Variants in FAM118A observed in about 807,000 individuals in gnomAD.
FAM118A encodes SIR2 antiphage like 2.
FAM118A carries 25 observed loss-of-function variants against 38.2 expected under a neutral mutation model. That is an observed-to-expected ratio of 0.65 (90% CI 0.48 to 0.91). The LOEUF (loss-of-function observed/expected upper bound fraction) is 0.91. FAM118A is among the 40% of genes least tolerant of loss of function. The pLI, the probability that FAM118A is intolerant of heterozygous loss-of-function variation, is 0.00. For missense variants in FAM118A, 425 were observed against 463.3 expected, an observed-to-expected ratio of 0.92 and a Z score of 0.76; for synonymous variants, 178 against 184.1, an observed-to-expected ratio of 0.97 and a Z score of 0.27.
intron 8 of FAM118A, 43 bp downstream of exon 8, chr22:45,336,454 T>G (rs1415705263): frequency 6.6e-7 from 1 of 1,509,304 alleles, no homozygotes; most frequent in Non-Finnish European, 9.2e-7. Flanking sequence ...CTCGGGTCTC[T>G]CTTGTTGGCA....
intron 4 of FAM118A, chr22:45,328,312 A>C: frequency 1.7e-5 from 2 of 118,356 alleles, no homozygotes; most frequent in Non-Finnish European, 4.2e-5. Context: ...AGACCAAGGT[A>C]TGGGCTGGGG....
At chr22:45,335,091 A>G in intron 6 of FAM118A, 1 of 495,158 alleles carries the variant, frequency 2.0e-6, no homozygotes, top group Non-Finnish European at 3.6e-6. Flanking sequence ...GAGGCCCATG[A>G]CAGTGACAGT....
intron 3 of FAM118A, 63 bp downstream of exon 3, chr22:45,323,490 T>G (rs906916336): frequency 3.9e-5 from 61 of 1,573,976 alleles, no homozygotes; most frequent in South Asian, 3.0e-4. Flanking sequence ...GATGAGTCTG[T>G]GAACCTAATG....
chr22:45,330,910 C>A (rs1250584857), intron 5 of FAM118A, among the ~76,000 whole-genome samples, 179 bp downstream of exon 5: 1 of 152,142 alleles, frequency 6.6e-6, no homozygotes, highest in African/African-American at 2.4e-5. Flanking sequence ...TCTCTGGGGT[C>A]CCGCATGGTG....
chr22:45,323,291 G>A lies in FAM118A; in HGVS notation c.164G>A (p.Cys55Tyr). 1 of 1,614,202 alleles carries A rather than the reference G, an allele frequency of 6.2e-7. No individual in the cohort carries two copies. Among genetic ancestry groups the A allele is most frequent in the Non-Finnish European group, 8.5e-7 (1 of 1,180,010 alleles). The change falls in exon 3 of 9, where the codon TGC becomes TAC. Residue 55 changes from cysteine to tyrosine, a missense_variant. Physicochemically the swap from Cys to Tyr is radical, Grantham distance 194. Transcript: ENST00000441876. ...CCTGCCCTTTGCTCGTGGAGAAGCT[G>A]CATCGAGGCCGTCATCGAGGCTGCA... is the stretch of plus-strand genomic sequence containing the variant. ...GIPALCSWRS[C>Y]IEAVIEAAEQ...
intron 8 of FAM118A, among the ~76,000 whole-genome samples, chr22:45,339,651 T>G (rs2086343699): frequency 6.6e-6 from 1 of 152,186 alleles, no homozygotes; most frequent in Non-Finnish European, 1.5e-5. Flanking sequence ...GTTCATTGTT[T>G]TGTTTTCTGC....
At chr22:45,313,080 G>C (rs192418844) in intron 1 of FAM118A, among the ~76,000 whole-genome samples, 7 of 152,206 alleles carry the variant, frequency 4.6e-5, no homozygotes, top group African/African-American at 1.4e-4. Context: ...GCCTATCTGC[G>C]TCAATCAGCT....
At chr22:45,323,936 G>T (rs4823461) in intron 3 of FAM118A, among the ~76,000 whole-genome samples, 65,225 of 152,168 alleles carry the variant, frequency 0.43, 17,371 homozygotes, top group Non-Finnish European at 0.6. Context: ...GGGCCGATGG[G>T]TCTGGTGCAG....
chr22:45,320,032 G>A (rs1024187520), intron 1 of FAM118A, among the ~76,000 whole-genome samples: 9 of 152,182 alleles, frequency 5.9e-5, no homozygotes, highest in Admixed American at 2.0e-4. Flanking sequence ...AAAGGATAAC[G>A]GGGATCCCAT....
chr22:45,316,907 C>T (rs760058769), intron 1 of FAM118A, among the ~76,000 whole-genome samples: 5 of 152,096 alleles, frequency 3.3e-5, no homozygotes, highest in African/African-American at 4.8e-5. Context: ...GGTGAGCATT[C>T]GGAAACTTTG....
In FAM118A at chr22:45,341,873, C is replaced by T. The variant is rs1443164359; in HGVS notation, c.*1468C>T. Reference sequence around the variant, plus strand: ...AGGATGCATAGGGAGGGAGAGAAGCCCTGAAAACTTTTTTTTTCTTTTTGA... The same window carrying T: ...AGGATGCATAGGGAGGGAGAGAAGCTCTGAAAACTTTTTTTTTCTTTTTGA... On this transcript the variant is annotated 3_prime_UTR_variant, in exon 9 of 9. Transcript: ENST00000441876. 6.6e-6 allele frequency: 1 copy of T among 152,094 alleles called. No individual in the cohort carries two copies. Among genetic ancestry groups the T allele is most frequent in the South Asian group, 2.1e-4 (1 of 4,818 alleles). The allele number at this position is 152,094 out of a possible 1,614,324, so 9.4% of individuals were successfully genotyped here. A position where few individuals can be genotyped will look rare whatever the true frequency, so the allele number is the denominator to read the frequency against.
In FAM118A at chr22:45,323,176, A is replaced by T; in HGVS notation, c.49A>T (p.Lys17Ter). The change falls in exon 3 of 9, where the codon AAG (lysine) becomes TAG (stop). Residue 17 changes from lysine (K) to a stop codon, truncating the protein, a stop_gained and splice_region_variant. Transcript: ENST00000441876. LOFTEE classifies it high-confidence loss of function. ...TTNRSEQKSR[K>*]FLKSLIRKQP... ...TCTTGCTCCCTTCTTTTCAAGTAGA[A>T]AGTTTTTAAAAAGCCTCATCCGGAA... is the stretch of plus-strand genomic sequence containing the variant. The T allele has an allele frequency of 1.2e-6, 2 of 1,607,936 alleles. No individual in the cohort carries two copies. Among genetic ancestry groups the T allele is most frequent in the Middle Eastern group, 1.7e-4 (1 of 6,044 alleles).
At chr22:45,314,495 T>C (rs868282772) in intron 1 of FAM118A, among the ~76,000 whole-genome samples, 8 of 152,240 alleles carry the variant, frequency 5.3e-5, no homozygotes, top group African/African-American at 1.4e-4. Flanking sequence ...CAGGAGTTAC[T>C]TTATAGCTTG....
chr22:45,335,500 A>G, intron 7 of FAM118A, 118 bp downstream of exon 7: 2 of 1,166,358 alleles, frequency 1.7e-6, no homozygotes, highest in Non-Finnish European at 2.5e-6. Flanking sequence ...AGCTTGTATT[A>G]AAACAGCCCC....
intron 3 of FAM118A, among the ~76,000 whole-genome samples, chr22:45,325,095 A>G (rs2085165411): frequency 6.6e-6 from 1 of 152,200 alleles, no homozygotes; most frequent in African/African-American, 2.4e-5. Context: ...CTCACCCGTC[A>G]TAGGAAGAAG....
At chr22:45,335,696 G>A (rs1386962841) in intron 7 of FAM118A, among the ~76,000 whole-genome samples, 1 of 152,208 alleles carries the variant, frequency 6.6e-6, no homozygotes, top group African/African-American at 2.4e-5. Context: ...GATACCATGT[G>A]GTGCCAGATG....
chr22:45,330,255 G>C (rs2085609828), intron 4 of FAM118A, among the ~76,000 whole-genome samples: 1 of 152,156 alleles, frequency 6.6e-6, no homozygotes, highest in Non-Finnish European at 1.5e-5. Flanking sequence ...GCCCAGGCTG[G>C]TCTCGAACTC....
chr22:45,330,530 T>C (rs1378612231), intron 4 of FAM118A, 73 bp from the exon 5 acceptor site: 30 of 1,407,790 alleles, frequency 2.1e-5, no homozygotes, highest in Non-Finnish European at 2.7e-5. Context: ...ATGAATCCAT[T>C]TTCAGTATTT....
At chr22:45,319,382 C>A (rs909612911) in intron 1 of FAM118A, among the ~76,000 whole-genome samples, 3 of 152,200 alleles carry the variant, frequency 2.0e-5, no homozygotes, top group African/African-American at 7.2e-5. Flanking sequence ...TTGAATTAGC[C>A]AGCTGATGAG....
Sources: gnomAD v4.1 joint callset for allele counts (sites outside exome capture counted in the v4.1 genomes callset) on GRCh38, gnomAD v4.1.1 for gene constraint, MANE v1.5 for transcripts, NCBI Gene and HGNC (gene_info 2026-07-23, HGNC 2026-07-21) for gene names.